DCAF7: variants seen among roughly 807,000 people sequenced by gnomAD.
DCAF7 encodes the protein DDB1 and CUL4 associated factor 7, also known as DDB1- and CUL4-associated factor 7.
DCAF7 carries 4 observed loss-of-function variants against 41.2 expected under a neutral mutation model. The observed-to-expected ratio is 0.10, with a 90% CI of 0.05 to 0.22. The LOEUF is 0.22. DCAF7 is among the 10% of genes least tolerant of loss of function. DCAF7 has a pLI of 1.00. For missense variants in DCAF7, 131 were observed against 443.2 expected (o/e 0.30, Z 6.32); for synonymous variants, 143 against 164.2 (o/e 0.87, Z 0.99).
intron 1 of DCAF7, among the ~76,000 whole-genome samples, chr17:63,577,133 G>A (rs1323971923): frequency 2.6e-5 from 4 of 152,178 alleles, no homozygotes; most frequent in Admixed American, 6.5e-5. Context: ...GTAGGTATGA[G>A]GGGTTGACTG....
intron 6 of DCAF7, among the ~76,000 whole-genome samples, chr17:63,585,718 A>G (rs1225621024): frequency 4.6e-5 from 7 of 152,200 alleles, no homozygotes; most frequent in African/African-American, 1.4e-4. Context: ...AGGTTTCACT[A>G]TAACAAACCC....
At position 63,583,864 on chromosome 17, in the gene DCAF7, C is replaced by T. The variant is rs1169020325; in HGVS notation, c.738+153C>T. The stretch of plus-strand genomic sequence containing the variant: ...TTTGATTGTCACAGCTCTAGAGACG[C>T]AGTTGGTACTATGGCATCTAGGGGG... On this transcript the variant is annotated intron_variant, in intron 5 of 6. Transcript: ENST00000614556. Among the ~76,000 whole-genome samples the T allele has an allele frequency of 6.6e-5, 10 of 152,124 alleles. 1 individual carries two copies. The highest frequency in any genetic ancestry group is 1.2e-4 in the Non-Finnish European group (8 of 68,020).
intron 1 of DCAF7, among the ~76,000 whole-genome samples, chr17:63,571,801 A>G (rs556665861): frequency 8.5e-5 from 13 of 152,190 alleles, no homozygotes; most frequent in African/African-American, 1.7e-4. Context: ...CTGAAATCAC[A>G]TCACCAGGGG....
intron 1 of DCAF7, among the ~76,000 whole-genome samples, chr17:63,575,318 G>A (rs541865186): frequency 1.3e-5 from 2 of 152,316 alleles, no homozygotes; most frequent in South Asian, 2.1e-4. Context: ...GCGACAGAGC[G>A]AGACTCAGTC....
At chr17:63,588,297 C>T (rs1356287280) in intron 6 of DCAF7, among the ~76,000 whole-genome samples, 2 of 149,874 alleles carry the variant, frequency 1.3e-5, no homozygotes, top group East Asian at 3.9e-4. Context: ...AAGCGATTCT[C>T]CTGCCTCAGC....
intron 1 of DCAF7, among the ~76,000 whole-genome samples, chr17:63,551,891 C>CAAAAAAAAAAAAAAAAAAAAAAAA (rs529811578): frequency 3.7e-5 from 1 of 27,280 alleles, no homozygotes; most frequent in Non-Finnish European, 8.0e-5. Context: ...TACTAAAATA[C>CAAAAAAAAAAAAAAAAAAAAAAAA]AAAAAAAAAA....
chr17:63,588,189 A>ATTTTTTTTTTTTTTTTTTTTTTTTTTT (rs377638787), intron 6 of DCAF7, among the ~76,000 whole-genome samples: 10 of 120,260 alleles, frequency 8.3e-5, no homozygotes, highest in African/African-American at 3.5e-4. Context: ...ATTTTCTTGG[A>ATTTTTTTTTTTTTTTTTTTTTTTTTTT]TTTTTTTTTT....
chr17:63,585,183 C>G (rs1401922488), intron 5 of DCAF7, 28 bp from the exon 6 acceptor site: 1 of 1,588,348 alleles, frequency 6.3e-7, no homozygotes, highest in Admixed American at 1.7e-5. Flanking sequence ...TCTGATGATC[C>G]CAGGCCTTTT....
intron 1 of DCAF7, among the ~76,000 whole-genome samples, chr17:63,554,042 A>G (rs903826553): frequency 8.5e-5 from 13 of 152,282 alleles, no homozygotes; most frequent in African/African-American, 3.1e-4. Flanking sequence ...TGACTCTACA[A>G]AAACATTAAA....
intron 1 of DCAF7, among the ~76,000 whole-genome samples, chr17:63,566,196 C>G (rs937633598): frequency 2.6e-5 from 4 of 152,064 alleles, no homozygotes; most frequent in African/African-American, 9.7e-5. Flanking sequence ...CTGTGAAACC[C>G]TGTCTCTACT....
chr17:63,559,347 ACG>A (rs1568097678), intron 1 of DCAF7, among the ~76,000 whole-genome samples: 4 of 118,762 alleles, frequency 3.4e-5, no homozygotes, highest in African/African-American at 1.6e-4. Context: ...ACATATATAT[ACG>A]TATATATATG....
intron 1 of DCAF7, among the ~76,000 whole-genome samples, chr17:63,551,485 CTAGTACAGTTGTGTGACCTTTAG>C (rs1217340745): frequency 6.6e-6 from 1 of 152,150 alleles, no homozygotes; most frequent in East Asian, 1.9e-4. Context: ...TTGTTTCGTG[CTAGTACAGTTGTGTGACCTTTAG>C]TAGTAAGTCT....
Position 63,578,660 on chromosome 17 carries a change from G to C in DCAF7, c.297+32G>C, listed in dbSNP as rs557384015. The stretch of plus-strand genomic sequence containing the variant: ...GGATGCTTTATTAGCAGCCAGACAA[G>C]TGGGCTTTCTCAGCCTCAGCTGTTA... On this transcript the variant is annotated intron_variant, in intron 2 of 6. Transcript: ENST00000614556. 22 of 1,613,592 alleles carry C rather than the reference G, an allele frequency of 1.4e-5. No individual in the cohort carries two copies. In the South Asian group the frequency reaches 2.2e-4, roughly 16 times the overall value.
chr17:63,552,453 G>T (rs987936185), intron 1 of DCAF7: 2 of 152,152 alleles, frequency 1.3e-5, no homozygotes, highest in Non-Finnish European at 2.9e-5. Context: ...CCCATTGCCC[G>T]GGCGAGATAG....
At chr17:63,583,084 CT>C (rs2033641184) in intron 4 of DCAF7, among the ~76,000 whole-genome samples, 1 of 152,204 alleles carries the variant, frequency 6.6e-6, no homozygotes, top group African/African-American at 2.4e-5. Context: ...AGGAGGGCTG[CT>C]TTCACCTCTG....
rs866723833 is a variant in DCAF7 at position 63,593,740 on chromosome 17, C to G, written c.*4568C>G. The G allele has an allele frequency of 6.6e-6, 1 of 152,626 alleles. No individual in the cohort carries two copies. The highest frequency in any genetic ancestry group is 2.4e-5 in the African/African-American group (1 of 41,438). The allele number at this position is 152,626 out of a possible 1,614,324, so 9.5% of individuals were successfully genotyped here. A position where few individuals can be genotyped will look rare whatever the true frequency, so the allele number is the denominator to read the frequency against. ...TTGGTTCCTGTGTATTTTACTACCC[C>G]TCTTGTCAGTGACCTTCCTTCCCCA... On this transcript the variant is annotated 3_prime_UTR_variant, in exon 7 of 7. Coordinates refer to ENST00000614556, the MANE Select transcript of DCAF7 (RefSeq NM_005828.5).
intron 4 of DCAF7, among the ~76,000 whole-genome samples, chr17:63,580,259 A>T (rs958654995): frequency 1.3e-5 from 2 of 152,132 alleles, no homozygotes; most frequent in Non-Finnish European, 2.9e-5. Flanking sequence ...AAATAACTTT[A>T]GAGTAATACT....
chr17:63,557,714 A>G (rs2033325454), intron 1 of DCAF7, among the ~76,000 whole-genome samples: 1 of 152,222 alleles, frequency 6.6e-6, no homozygotes, highest in Non-Finnish European at 1.5e-5. Flanking sequence ...ATATGGTTAA[A>G]GAAGAACTTA....
chr17:63,554,308 T>A (rs2033289119), intron 1 of DCAF7, among the ~76,000 whole-genome samples: 1 of 152,216 alleles, frequency 6.6e-6, no homozygotes, highest in African/African-American at 2.4e-5. Context: ...TCTCTAAATT[T>A]TAGTGTGTGA....
Sources: gnomAD v4.1 joint callset for allele counts (sites outside exome capture counted in the v4.1 genomes callset) on GRCh38, gnomAD v4.1.1 for gene constraint, MANE v1.5 for transcripts, NCBI Gene and HGNC (gene_info 2026-07-23, HGNC 2026-07-21) for gene names.